UBASH3B: variants seen among roughly 807,000 people sequenced by gnomAD.
The protein encoded by UBASH3B is ubiquitin-associated and SH3 domain-containing protein B.
In UBASH3B, 37 loss-of-function variants were observed where a neutral mutation model predicts 83.4. The observed-to-expected ratio is 0.44, with a 90% confidence interval of 0.34 to 0.58. The LOEUF is 0.58. Among genes scored for constraint, UBASH3B ranks in the 20% least tolerant of loss-of-function variants. The pLI, the probability that UBASH3B is intolerant of heterozygous loss-of-function variation, is 0.01. For synonymous variants in UBASH3B, 304 were observed against 318.3 expected, an observed-to-expected ratio of 0.96 and a Z score of 0.48; for missense variants, 657 against 827.2, an observed-to-expected ratio of 0.79 and a Z score of 2.52.
chr11:122,783,042 C>T lies in UBASH3B; in HGVS notation c.602-11C>T, dbSNP rs982508173. The T allele has an allele frequency of 3.1e-6, 5 of 1,606,458 alleles. No homozygotes were observed. In the African/African-American group the frequency reaches 6.7e-5, roughly 22 times the overall value. On this transcript the variant is annotated splice_polypyrimidine_tract_variant and intron_variant, in intron 4 of 13. Coordinates refer to ENST00000284273, the MANE Select transcript of UBASH3B (RefSeq NM_032873.5). ...CCTTTTAATTACTGACCTTTTTCTT[C>T]CTTTTTCCAGAAGTGCATGTGGAAC... is the stretch of plus-strand genomic sequence containing the variant.
intron 1 of UBASH3B, among the ~76,000 whole-genome samples, chr11:122,727,916 C>T (rs1860772031): frequency 6.6e-6 from 1 of 152,116 alleles, no homozygotes; most frequent in African/African-American, 2.4e-5. Flanking sequence ...TGGCCCAGTC[C>T]CTATCCTGAA....
chr11:122,666,638 C>G (rs1251111155), intron 1 of UBASH3B, among the ~76,000 whole-genome samples: 1 of 152,042 alleles, frequency 6.6e-6, no homozygotes, highest in Non-Finnish European at 1.5e-5. Flanking sequence ...AGGCTGGTCT[C>G]GATCTCCTGA....
intron 1 of UBASH3B, among the ~76,000 whole-genome samples, chr11:122,713,123 G>T (rs1455049885): frequency 2.0e-5 from 3 of 151,860 alleles, no homozygotes; most frequent in Admixed American, 2.0e-4. Context: ...TAGCCAGGAT[G>T]GTCTTGATCT....
intron 1 of UBASH3B, among the ~76,000 whole-genome samples, chr11:122,707,019 A>G (rs1864128162): frequency 6.6e-6 from 1 of 152,172 alleles, no homozygotes; most frequent in African/African-American, 2.4e-5. Flanking sequence ...TTATTCTGAG[A>G]TGGTACCCTT....
chr11:122,707,324 T>A (rs1230757628), intron 1 of UBASH3B, among the ~76,000 whole-genome samples: 1 of 152,142 alleles, frequency 6.6e-6, no homozygotes, highest in Non-Finnish European at 1.5e-5. Flanking sequence ...ATTTTCCTCT[T>A]GCTTCTGACG....
At position 122,777,140 on chromosome 11, in the gene UBASH3B, C is replaced by A. The variant is rs755173309; in HGVS notation, c.332C>A (p.Ser111Ter). The A allele has an allele frequency of 1.2e-6, 2 of 1,614,082 alleles. No individual in the cohort carries two copies. Among genetic ancestry groups the A allele is most frequent in the South Asian group, 2.2e-5 (2 of 91,072 alleles). The change falls in exon 3 of 14, where the codon TCG (serine) becomes TAG (stop). Residue 111 changes from serine (S) to a stop codon, truncating the protein, a stop_gained. Coordinates refer to ENST00000284273, the MANE Select transcript of UBASH3B (RefSeq NM_032873.5). LOFTEE classifies it high-confidence loss of function. The part of the protein sequence containing the change: ...AQKLSDFWQQ[S>*]KQICGKNKAH... ...AAGCTTTCCGACTTTTGGCAGCAGT[C>A]GAAGCAGATCTGCGGGAAGAACAAG...
At chr11:122,722,296 A>G (rs1424700255) in intron 1 of UBASH3B, among the ~76,000 whole-genome samples, 1 of 152,058 alleles carries the variant, frequency 6.6e-6, no homozygotes, top group African/African-American at 2.4e-5. Flanking sequence ...GCCTCTCCTA[A>G]TTACTGATAG....
chr11:122,808,380 G>A lies in UBASH3B; in HGVS notation c.1812+204G>A, dbSNP rs1425981063. On this transcript the variant is annotated intron_variant, in intron 13 of 13. Coordinates refer to ENST00000284273, the MANE Select transcript of UBASH3B (RefSeq NM_032873.5). ...CTTGTGTTAGAAAAACAATGTATGA[G>A]AGCTAGTTCTAGCTTCTAAGAGCTA... 3.3e-5 allele frequency among the ~76,000 whole-genome samples: 5 copies of A among 152,206 alleles called. No homozygotes were observed. The East Asian group carries it at 9.6e-4, about 29-fold the overall frequency.
At chr11:122,667,555 A>G (rs1863536509) in intron 1 of UBASH3B, among the ~76,000 whole-genome samples, 1 of 152,224 alleles carries the variant, frequency 6.6e-6, no homozygotes, top group African/African-American at 2.4e-5. Flanking sequence ...AGAAGATGGA[A>G]GACACATCAG....
Position 122,655,939 on chromosome 11 carries a change from C to T in UBASH3B, c.-111C>T. ...GCGCCGCCTCCGCTGCCGCCGCCTC[C>T]TGCCTGGCTCTGGGTCCCCGAGCCC... On this transcript the variant is annotated 5_prime_UTR_variant, in exon 1 of 14. Transcript: ENST00000284273. The T allele has an allele frequency of 1.7e-6, 2 of 1,199,324 alleles. No homozygotes were observed. The highest frequency in any genetic ancestry group is 2.2e-6 in the Non-Finnish European group (2 of 915,774). 74.3% of individuals were successfully genotyped at this position (1,199,324 alleles called of 1,614,324 possible).
intron 1 of UBASH3B, among the ~76,000 whole-genome samples, chr11:122,722,108 G>GCTTTGT (rs1258357947): frequency 6.6e-6 from 1 of 152,162 alleles, no homozygotes; most frequent in African/African-American, 2.4e-5. Flanking sequence ...TTTGTTTGAA[G>GCTTTGT]CTCACAAAGC....
chr11:122,664,172 G>A (rs1026971664), intron 1 of UBASH3B, among the ~76,000 whole-genome samples: 2 of 152,148 alleles, frequency 1.3e-5, no homozygotes, highest in African/African-American at 4.8e-5. Context: ...TCTCTCTAGA[G>A]TGCCCAGAGG....
chr11:122,754,050 T>C (rs540513760), intron 1 of UBASH3B, among the ~76,000 whole-genome samples: 53 of 152,140 alleles, frequency 3.5e-4, no homozygotes, highest in African/African-American at 1.3e-3. Context: ...ACATGGCCAG[T>C]GTGATGTGGA....
intron 1 of UBASH3B, among the ~76,000 whole-genome samples, chr11:122,673,642 G>A (rs1470614251): frequency 6.6e-6 from 1 of 152,202 alleles, no homozygotes; most frequent in Non-Finnish European, 1.5e-5. Flanking sequence ...CTGGGCGACA[G>A]AGTGAGACTC....
chr11:122,702,347 G>A (rs2135929674), intron 1 of UBASH3B, among the ~76,000 whole-genome samples: 1 of 152,204 alleles, frequency 6.6e-6, no homozygotes, highest in Non-Finnish European at 1.5e-5. Context: ...CTTAAAGGAG[G>A]CCAGAGAATA....
chr11:122,706,684 T>C (rs1864123881), intron 1 of UBASH3B, among the ~76,000 whole-genome samples: 1 of 152,144 alleles, frequency 6.6e-6, no homozygotes, highest in Non-Finnish European at 1.5e-5. Flanking sequence ...AGGAACTATG[T>C]AGATGGATAG....
At chr11:122,683,816 G>A (rs1448734757) in intron 1 of UBASH3B, among the ~76,000 whole-genome samples, 1 of 149,862 alleles carries the variant, frequency 6.7e-6, no homozygotes, top group Non-Finnish European at 1.5e-5. Context: ...GAGATGGAGG[G>A]TTGTGTCTCT....
chr11:122,754,339 C>T (rs1470858026), intron 1 of UBASH3B, among the ~76,000 whole-genome samples: 2 of 152,188 alleles, frequency 1.3e-5, no homozygotes, highest in Non-Finnish European at 2.9e-5. Flanking sequence ...AAATTGGTAA[C>T]TCATTTTCCT....
chr11:122,727,383 C>T (rs966121673), intron 1 of UBASH3B: 5 of 152,302 alleles, frequency 3.3e-5, no homozygotes, highest in Admixed American at 3.3e-4. Flanking sequence ...GGTGAATTTC[C>T]TGCGTTCTCT....
Sources: gnomAD v4.1 joint callset for allele counts (sites outside exome capture counted in the v4.1 genomes callset) on GRCh38, gnomAD v4.1.1 for gene constraint, MANE v1.5 for transcripts, NCBI Gene and HGNC (gene_info 2026-07-23, HGNC 2026-07-21) for gene names.